Variants in SMG7 observed in about 807,000 individuals in gnomAD.
The protein encoded by SMG7 is SMG7 nonsense mediated mRNA decay factor, also known as nonsense-mediated mRNA decay factor SMG7.
In SMG7, 34 loss-of-function variants were observed where a neutral mutation model predicts 148.2. That is an observed-to-expected ratio of 0.23 (90% CI 0.17 to 0.31). SMG7 has a LOEUF of 0.31. Among genes scored for constraint, SMG7 ranks in the 10% least tolerant of loss-of-function variants. SMG7 has a pLI of 1.00. For missense variants in SMG7, 1,114 were observed against 1,408.4 expected (o/e 0.79, Z 3.35); for synonymous variants, 492 against 515.1 (o/e 0.96, Z 0.61).
chr1:183,537,329 C>A, intron 11 of SMG7, 114 bp downstream of exon 11: 1 of 750,770 alleles, frequency 1.3e-6, no homozygotes, highest in Non-Finnish European at 2.3e-6. Context: ...AATTCAGTAT[C>A]TCAGAAGTGA....
At chr1:183,481,596 C>T (rs1239510146) in intron 1 of SMG7, among the ~76,000 whole-genome samples, 1 of 152,026 alleles carries the variant, frequency 6.6e-6, no homozygotes, top group East Asian at 1.9e-4. Context: ...GACTATTTAC[C>T]GTATGCCAGT....
chr1:183,490,793 A>G (rs774073262), intron 1 of SMG7, among the ~76,000 whole-genome samples: 2 of 152,124 alleles, frequency 1.3e-5, no homozygotes, highest in Non-Finnish European at 2.9e-5. Context: ...TTTTATTTAT[A>G]TATTTAATTT....
chr1:183,517,719 A>G lies in SMG7; in HGVS notation c.211A>G (p.Thr71Ala), dbSNP rs748197628. The G allele has an allele frequency of 6.2e-7, 1 of 1,614,090 alleles. No homozygotes were observed. Among genetic ancestry groups the G allele is most frequent in the Non-Finnish European group, 8.5e-7 (1 of 1,179,948 alleles). The change falls in exon 4 of 23, where the codon ACA becomes GCA. Residue 71 changes from threonine (T) to alanine (A), a missense_variant. Physicochemically the swap from Thr to Ala is moderately conservative, Grantham distance 58 (BLOSUM62 0). Coordinates refer to ENST00000688051, the MANE Select transcript of SMG7 (RefSeq NM_001375584.1). ...TCACGCCTTTAAGAATCAGATCACA[A>G]CACTGCAAGGCCAGGCAAAGAATCG... ...WNHAFKNQIT[T>A]LQGQAKNRAN...
At position 183,512,808 on chromosome 1, in the gene SMG7, C is replaced by CTTTTTTTTT. The variant is rs59379855; in HGVS notation, c.30-17_30-9dup. ...GCCTCGTTTGTTTCTAACTGATACTCTTTTTTTTTTTTTTTTTTTTCTATC... is the reference window on the plus strand; with the variant it reads ...GCCTCGTTTGTTTCTAACTGATACTCTTTTTTTTTTTTTTTTTTTTTTTTTTTTTCTATC... On this transcript the variant is annotated intron_variant, in intron 1 of 22. Transcript: ENST00000688051. The CTTTTTTTTT allele has an allele frequency of 8.1e-5, 103 of 1,279,362 alleles. 5 individuals carry two copies. Among genetic ancestry groups the CTTTTTTTTT allele is most frequent in the Middle Eastern group, 2.8e-4 (1 of 3,612 alleles). 79.3% of individuals were successfully genotyped at this position (1,279,362 alleles called of 1,614,324 possible).
At chr1:183,504,703 A>G (rs1478793534) in intron 1 of SMG7, among the ~76,000 whole-genome samples, 3 of 152,052 alleles carry the variant, frequency 2.0e-5, no homozygotes. Flanking sequence ...CTTTCTCTGC[A>G]TTCTTTTCTT....
In SMG7 at chr1:183,553,466, A is replaced by C. The variant is rs1332269572; in HGVS notation, c.*1535A>C. The C allele has an allele frequency of 1.5e-5, 6 of 413,204 alleles. No individual in the cohort carries two copies. Among genetic ancestry groups the C allele is most frequent in the Admixed American group, 7.8e-5 (2 of 25,606 alleles). The allele number at this position is 413,204 out of a possible 1,614,324, so 25.6% of individuals were successfully genotyped here. The stretch of plus-strand genomic sequence containing the variant: ...AGGGGTTGTGTGTGCGAGTGTATGG[A>C]GTTAGTGTGGAACTTAAGAGCTGGA... On this transcript the variant is annotated 3_prime_UTR_variant, in exon 23 of 23. Coordinates refer to ENST00000688051, the MANE Select transcript of SMG7 (RefSeq NM_001375584.1).
intron 1 of SMG7, among the ~76,000 whole-genome samples, chr1:183,474,602 C>T (rs1651661354): frequency 1.3e-5 from 2 of 152,100 alleles, no homozygotes; most frequent in South Asian, 2.1e-4. Flanking sequence ...ATAAAAGATA[C>T]GAAGTGTTTT....
intron 4 of SMG7, among the ~76,000 whole-genome samples, chr1:183,522,007 C>T (rs2102527789): frequency 6.6e-6 from 1 of 152,202 alleles, no homozygotes; most frequent in East Asian, 1.9e-4. Context: ...TCTATTAATT[C>T]CTGTTGGCCA....
chr1:183,504,671 C>T (rs1309710651), intron 1 of SMG7, among the ~76,000 whole-genome samples: 1 of 152,102 alleles, frequency 6.6e-6, no homozygotes, highest in Non-Finnish European at 1.5e-5. Flanking sequence ...TCAATTTTGT[C>T]TAGTCCACAT....
Position 183,552,993 on chromosome 1 carries a change from T to C in SMG7, c.*1062T>C. The C allele has an allele frequency of 1.3e-6, 2 of 1,536,212 alleles. No individual in the cohort carries two copies. Among genetic ancestry groups the C allele is most frequent in the Non-Finnish European group, 1.7e-6 (2 of 1,146,906 alleles). On this transcript the variant is annotated 3_prime_UTR_variant, in exon 23 of 23. Transcript: ENST00000688051. ...CTCCCCAAGAAGCAACAGCATGGGG[T>C]CCAGCAGTTGGGGCCCAAAAGACAG...
At chr1:183,503,950 C>T (rs1660324763) in intron 1 of SMG7, among the ~76,000 whole-genome samples, 1 of 152,196 alleles carries the variant, frequency 6.6e-6, no homozygotes, top group South Asian at 2.1e-4. Context: ...AAACTGCCTC[C>T]TGTATGGTTC....
intron 8 of SMG7, 39 bp from the exon 9 acceptor site, chr1:183,533,125 T>A (rs760200188): frequency 3.2e-6 from 5 of 1,580,684 alleles, no homozygotes; most frequent in Non-Finnish European, 4.3e-6. Flanking sequence ...TGGTTCCTGT[T>A]CTTGATAATA....
chr1:183,552,668 C>T lies in SMG7; in HGVS notation c.*737C>T. On this transcript the variant is annotated 3_prime_UTR_variant, in exon 23 of 23. Coordinates refer to ENST00000688051, the MANE Select transcript of SMG7 (RefSeq NM_001375584.1). ...GGTGCTCGAGCCCCAATCGAGGATA[C>T]AGTGTGGGTGGTGGTGCTGGGCTGG... 2 of 1,149,546 alleles carry T rather than the reference C, an allele frequency of 1.7e-6. No homozygotes were observed. Among genetic ancestry groups the T allele is most frequent in the Non-Finnish European group, 2.2e-6 (2 of 929,296 alleles). 71.2% of individuals were successfully genotyped at this position (1,149,546 alleles called of 1,614,324 possible).
In SMG7 at chr1:183,478,474, G is replaced by A. The variant is rs10911340; in HGVS notation, c.29+5825G>A. 7.3e-3 allele frequency among the ~76,000 whole-genome samples: 1,110 copies of A among 152,168 alleles called. 10 individuals carry two copies. Among genetic ancestry groups the A allele is most frequent in the African/African-American group, 0.024 (995 of 41,494 alleles). ...TTGGCAGTTAATTTCTGCTTCCCTTGTGGTTTCATTTGGATTCAAAATGTA... is the reference window on the plus strand; with the variant it reads ...TTGGCAGTTAATTTCTGCTTCCCTTATGGTTTCATTTGGATTCAAAATGTA... On this transcript the variant is annotated intron_variant, in intron 1 of 22. Coordinates refer to ENST00000688051, the MANE Select transcript of SMG7 (RefSeq NM_001375584.1).
chr1:183,484,104 G>T (rs1270902719), intron 1 of SMG7, among the ~76,000 whole-genome samples: 1 of 152,052 alleles, frequency 6.6e-6, no homozygotes, highest in African/African-American at 2.4e-5. Context: ...GAATTACTAG[G>T]AGAATTACAT....
At chr1:183,485,414 A>T (rs1195085652) in intron 1 of SMG7, among the ~76,000 whole-genome samples, 1 of 152,180 alleles carries the variant, frequency 6.6e-6, no homozygotes, top group African/African-American at 2.4e-5. Flanking sequence ...TTGCCAAAAA[A>T]CTTACTTAGG....
At position 183,472,606 on chromosome 1, in the gene SMG7, C is replaced by T. The variant is rs1650916023; in HGVS notation, c.-15C>T. The T allele has an allele frequency of 3.5e-6, 5 of 1,439,294 alleles. No homozygotes were observed. The highest frequency in any genetic ancestry group is 4.6e-6 in the Non-Finnish European group (5 of 1,083,920). The allele number at this position is 1,439,294 out of a possible 1,614,324, so 89.2% of individuals were successfully genotyped here. Reference sequence around the variant, plus strand: ...ACGGAGGCTTCGCGGGAAGACGCGGCGGCGGCGGCGGAGGATGAGCCTGCA... The same window carrying T: ...ACGGAGGCTTCGCGGGAAGACGCGGTGGCGGCGGCGGAGGATGAGCCTGCA... On this transcript the variant is annotated 5_prime_UTR_variant, in exon 1 of 23. Transcript: ENST00000688051.
chr1:183,526,619 A>G lies in SMG7; in HGVS notation c.336A>G (p.Val112=). 5 of 1,612,884 alleles carry G rather than the reference A, an allele frequency of 3.1e-6. No homozygotes were observed. Among genetic ancestry groups the G allele is most frequent in the Non-Finnish European group, 4.2e-6 (5 of 1,179,178 alleles). The part of the protein sequence containing the change: ...YTQLLQELCT[V]FNVDLPCRVK... ...AGTTATTACAAGAACTGTGTACAGT[A>G]TTTAATGTAGATTTACCATGCCGTG... Residue 112 remains valine, a synonymous_variant, in exon 5 of 23, where the codon GTA becomes GTG. Transcript: ENST00000688051.
intron 1 of SMG7, among the ~76,000 whole-genome samples, chr1:183,511,926 A>T (rs981084280): frequency 6.6e-6 from 1 of 152,222 alleles, no homozygotes; most frequent in African/African-American, 2.4e-5. Flanking sequence ...TCTTCCTTCC[A>T]CAATTGGAAA....
Sources: gnomAD v4.1 joint callset for allele counts (sites outside exome capture counted in the v4.1 genomes callset) on GRCh38, gnomAD v4.1.1 for gene constraint, MANE v1.5 for transcripts, NCBI Gene and HGNC (gene_info 2026-07-23, HGNC 2026-07-21) for gene names.